The following CAMK1D variants were observed in gnomAD, a reference collection of about 807,000 sequenced individuals.
CAMK1D encodes the protein calcium/calmodulin dependent protein kinase ID, also known as calcium/calmodulin-dependent protein kinase type 1D.
CAMK1D carries 9 observed loss-of-function variants against 47.7 expected under a neutral mutation model. The observed-to-expected ratio is 0.19, with a 90% CI of 0.11 to 0.33. CAMK1D has a LOEUF of 0.33. Ranked by LOEUF, CAMK1D falls within the 10% of genes least tolerant of loss-of-function variation. The pLI, the probability that CAMK1D is intolerant of heterozygous loss-of-function variation, is 1.00. For missense variants in CAMK1D, 291 were observed against 488.7 expected, an observed-to-expected ratio of 0.60 and a Z score of 3.81; for synonymous variants, 184 against 184.9, an observed-to-expected ratio of 0.99 and a Z score of 0.04.
intron 2 of CAMK1D, among the ~76,000 whole-genome samples, chr10:12,627,664 A>T (rs1839260362): frequency 6.6e-6 from 1 of 151,920 alleles, no homozygotes; most frequent in African/African-American, 2.4e-5. Flanking sequence ...TGTATCTTTC[A>T]CTCAGCATAA....
At chr10:12,566,707 C>G (rs961449307) in intron 2 of CAMK1D, among the ~76,000 whole-genome samples, 6 of 152,224 alleles carry the variant, frequency 3.9e-5, no homozygotes, top group Admixed American at 6.5e-5. Flanking sequence ...CATAACCATA[C>G]TTGCAGAGCC....
At chr10:12,481,001 T>C (rs1321644833) in intron 1 of CAMK1D, among the ~76,000 whole-genome samples, 1 of 152,066 alleles carries the variant, frequency 6.6e-6, no homozygotes, top group East Asian at 1.9e-4. Context: ...GGGGGGAAAT[T>C]TAGTTTATAG....
chr10:12,358,297 G>A (rs576032970), intron 1 of CAMK1D, among the ~76,000 whole-genome samples: 1 of 152,288 alleles, frequency 6.6e-6, no homozygotes, highest in Admixed American at 6.5e-5. Flanking sequence ...TAGCACTTTG[G>A]GAGGCTGAGG....
intron 2 of CAMK1D, among the ~76,000 whole-genome samples, chr10:12,602,118 T>C (rs150134806): frequency 2.1e-4 from 32 of 152,378 alleles, no homozygotes; most frequent in African/African-American, 7.0e-4. Context: ...AACTATGGTC[T>C]TATAAAACCA....
chr10:12,549,288 C>T (rs1314127347), intron 1 of CAMK1D, among the ~76,000 whole-genome samples: 2 of 152,212 alleles, frequency 1.3e-5, no homozygotes, highest in African/African-American at 4.8e-5. Context: ...CTTTGGACAC[C>T]TCCTGTAAGT....
At chr10:12,661,994 G>T (rs1344813112) in intron 2 of CAMK1D, among the ~76,000 whole-genome samples, 1 of 152,180 alleles carries the variant, frequency 6.6e-6, no homozygotes, top group African/African-American at 2.4e-5. Flanking sequence ...TCTCCTTATG[G>T]ATGGGATGGT....
intron 2 of CAMK1D, among the ~76,000 whole-genome samples, chr10:12,638,314 A>G (rs911809284): frequency 6.6e-6 from 1 of 152,082 alleles, no homozygotes; most frequent in Non-Finnish European, 1.5e-5. Flanking sequence ...CCTGCTTGCT[A>G]TTCACGCTAG....
At chr10:12,682,627 T>G (rs1832488457) in intron 3 of CAMK1D, among the ~76,000 whole-genome samples, 1 of 152,186 alleles carries the variant, frequency 6.6e-6, no homozygotes, top group South Asian at 2.1e-4. Context: ...TAGAAAAGAA[T>G]CAATTGAAGA....
chr10:12,553,404 T>A (rs780157660), intron 2 of CAMK1D, 48 bp downstream of exon 2: 1 of 1,494,802 alleles, frequency 6.7e-7, no homozygotes, highest in Non-Finnish European at 9.3e-7. Flanking sequence ...TCCTGGCCCG[T>A]GTGTCCTGCA....
At chr10:12,586,986 A>T (rs1343847511) in intron 2 of CAMK1D, among the ~76,000 whole-genome samples, 1 of 151,682 alleles carries the variant, frequency 6.6e-6, no homozygotes, top group Non-Finnish European at 1.5e-5. Flanking sequence ...CTGCTCTGAA[A>T]CCCCTTACAG....
intron 2 of CAMK1D, among the ~76,000 whole-genome samples, chr10:12,654,746 T>C (rs929388888): frequency 6.6e-6 from 1 of 152,210 alleles, no homozygotes; most frequent in Admixed American, 6.5e-5. Flanking sequence ...ATCAAATAAA[T>C]GTATTCAGCC....
At chr10:12,555,506 A>G (rs142969053) in intron 2 of CAMK1D, among the ~76,000 whole-genome samples, 2 of 152,352 alleles carry the variant, frequency 1.3e-5, no homozygotes, top group Admixed American at 6.5e-5. Context: ...ATTGCAGGAA[A>G]TGATTGTATG....
At chr10:12,612,205 A>G (rs1037847527) in intron 2 of CAMK1D, among the ~76,000 whole-genome samples, 1 of 152,206 alleles carries the variant, frequency 6.6e-6, no homozygotes. Context: ...ACAAAGGTCT[A>G]CAAGGCACCT....
At chr10:12,378,542 ATTT>A (rs35418457) in intron 1 of CAMK1D, among the ~76,000 whole-genome samples, 3 of 143,312 alleles carry the variant, frequency 2.1e-5, no homozygotes. Context: ...GCCCCTTAGT[ATTT>A]TTTTTTTTTT....
intron 3 of CAMK1D, among the ~76,000 whole-genome samples, chr10:12,694,878 C>G (rs1260598462): frequency 6.6e-6 from 1 of 151,906 alleles, no homozygotes; most frequent in Non-Finnish European, 1.5e-5. Flanking sequence ...AAGAAACAAA[C>G]TTTAAACCTG....
At chr10:12,440,766 C>T (rs1457491697) in intron 1 of CAMK1D, among the ~76,000 whole-genome samples, 1 of 152,160 alleles carries the variant, frequency 6.6e-6, no homozygotes, top group Non-Finnish European at 1.5e-5. Context: ...TGGTTCCTGT[C>T]CTGTAGGCTT....
At chr10:12,470,593 T>G (rs1440713754) in intron 1 of CAMK1D, among the ~76,000 whole-genome samples, 1 of 152,020 alleles carries the variant, frequency 6.6e-6, no homozygotes, top group African/African-American at 2.4e-5. Context: ...CTCTTCTCAC[T>G]GCAACCTCTG....
At chr10:12,379,985 C>T (rs1002076480) in intron 1 of CAMK1D, among the ~76,000 whole-genome samples, 10 of 151,894 alleles carry the variant, frequency 6.6e-5, no homozygotes, top group African/African-American at 9.7e-5. Context: ...GAGGCCGAGG[C>T]GGGCGGATCA....
intron 1 of CAMK1D, among the ~76,000 whole-genome samples, chr10:12,461,282 T>C (rs956327713): frequency 6.6e-6 from 1 of 152,228 alleles, no homozygotes; most frequent in Admixed American, 6.5e-5. Flanking sequence ...CTGAATTTAC[T>C]TTCTAGGCAG....
Sources: allele counts gnomAD v4.1 joint callset (sites outside exome capture counted in the v4.1 genomes callset), GRCh38; gene constraint gnomAD v4.1.1; transcripts MANE v1.5; gene names NCBI Gene and HGNC (gene_info 2026-07-23, HGNC 2026-07-21).